Variants in CDK19 observed in about 807,000 individuals in gnomAD.
CDK19 encodes cyclin-dependent kinase 19.
Under a neutral mutation model 68.3 loss-of-function variants are expected in CDK19, and 20 were observed. That is an observed-to-expected ratio of 0.29 (90% CI 0.21 to 0.43). CDK19 has a LOEUF of 0.43. Ranked by LOEUF, CDK19 falls within the 20% of genes least tolerant of loss-of-function variation. The pLI, the probability that CDK19 is intolerant of heterozygous loss-of-function variation, is 1.00. For synonymous variants in CDK19, 221 were observed against 222.8 expected, an observed-to-expected ratio of 0.99 and a Z score of 0.07; for missense variants, 339 against 623.5, an observed-to-expected ratio of 0.54 and a Z score of 4.86.
At chr6:110,683,120 G>C (rs1462327974) in intron 2 of CDK19, among the ~76,000 whole-genome samples, 5 of 142,492 alleles carry the variant, frequency 3.5e-5, no homozygotes, top group African/African-American at 1.3e-4. Flanking sequence ...AGGTTGCAGT[G>C]AGTCAAGATG....
At chr6:110,688,465 T>C (rs1400997410) in intron 2 of CDK19, among the ~76,000 whole-genome samples, 3 of 152,188 alleles carry the variant, frequency 2.0e-5, no homozygotes, top group Admixed American at 2.0e-4. Context: ...GGAACTTTTT[T>C]CCAAGAAGCA....
At chr6:110,746,224 C>T in intron 1 of CDK19, 23 bp from the exon 2 acceptor site, 1 of 1,403,580 alleles carries the variant, frequency 7.1e-7, no homozygotes, top group Non-Finnish European at 9.9e-7. Flanking sequence ...AAAAAAACAT[C>T]ATTTTTCCAT....
intron 1 of CDK19, among the ~76,000 whole-genome samples, chr6:110,798,060 A>G (rs970221731): frequency 2.6e-5 from 4 of 152,116 alleles, no homozygotes; most frequent in East Asian, 1.9e-4. Context: ...ATTCAGTTAT[A>G]GAAATTAATA....
At position 110,751,176 on chromosome 6, in the gene CDK19, CTTGGCCCACAGATCCCTACCAGT is replaced by C. The variant is rs1778450106; in HGVS notation, c.129-4998_129-4976del. ...ATCCCTTAGAACAGGGTCCTCAACACTTGGCCCACAGATCCCTACCAGTTGGTGGCCTGTTAGGAACAGGGCTG... is the reference window on the plus strand; with the variant it reads ...ATCCCTTAGAACAGGGTCCTCAACACTGGTGGCCTGTTAGGAACAGGGCTG... On this transcript the variant is annotated intron_variant, in intron 1 of 12. Transcript: ENST00000368911. Among the ~76,000 whole-genome samples, 3 of 152,312 alleles carry C rather than the reference CTTGGCCCACAGATCCCTACCAGT, an allele frequency of 2.0e-5. No individual in the cohort carries two copies. The South Asian group carries it at 6.2e-4, about 32-fold the overall frequency.
At chr6:110,810,852 A>T (rs1230720372) in intron 1 of CDK19, among the ~76,000 whole-genome samples, 1 of 151,892 alleles carries the variant, frequency 6.6e-6, no homozygotes, top group Admixed American at 6.6e-5. Flanking sequence ...CCACTTTGTA[A>T]ATGTCCTGTA....
chr6:110,673,733 A>T (rs557654260), intron 2 of CDK19, among the ~76,000 whole-genome samples: 1 of 152,152 alleles, frequency 6.6e-6, no homozygotes, highest in Non-Finnish European at 1.5e-5. Flanking sequence ...AAATTTTTTT[A>T]AAGAAAAAAA....
chr6:110,711,487 T>C (rs1219876518), intron 2 of CDK19, among the ~76,000 whole-genome samples: 2 of 152,168 alleles, frequency 1.3e-5, no homozygotes, highest in African/African-American at 4.8e-5. Context: ...TAAACAAATT[T>C]ACGTATCAAT....
intron 1 of CDK19, among the ~76,000 whole-genome samples, chr6:110,783,994 TACTA>T (rs1333008713): frequency 1.3e-5 from 2 of 151,588 alleles, no homozygotes; most frequent in African/African-American, 2.4e-5. Flanking sequence ...ACCCCATCTC[TACTA>T]AAAATACAAA....
In CDK19 at chr6:110,667,526, G is replaced by A; in HGVS notation, c.364C>T (p.Gln122Ter). ...GATTTAACCATAGATCTTGGCAACTGCATGGGCTTTTTATTTGCTTTTGAT... is the reference window on the plus strand; with the variant it reads ...GATTTAACCATAGATCTTGGCAACTACATGGGCTTTTTATTTGCTTTTGAT... ...RASKANKKPM[Q>*]LPRSMVKSLL... Residue 122 changes from glutamine to a stop codon, truncating the protein, a stop_gained, in exon 4 of 13, where the codon CAG becomes TAG. Transcript: ENST00000368911. LOFTEE classifies it high-confidence loss of function. 1 of 1,586,296 alleles carries A rather than the reference G, an allele frequency of 6.3e-7. No individual in the cohort carries two copies. The highest frequency in any genetic ancestry group is 8.6e-7 in the Non-Finnish European group (1 of 1,162,256).
Position 110,614,356 on chromosome 6 carries a change from C to CT in CDK19, c.*178dup. 1 of 479,600 alleles carries CT rather than the reference C, an allele frequency of 2.1e-6. No homozygotes were observed. The highest frequency in any genetic ancestry group is 3.4e-5 in the Admixed American group (1 of 29,836). 29.7% of individuals were successfully genotyped at this position (479,600 alleles called of 1,614,324 possible). Reference sequence around the variant, plus strand: ...GCTGGGGAAACTTCACAAGAATCTTCTTTAAGTCAATAAAGAAGAGCTATC... The same window carrying CT: ...GCTGGGGAAACTTCACAAGAATCTTCTTTTAAGTCAATAAAGAAGAGCTATC... On this transcript the variant is annotated 3_prime_UTR_variant, in exon 13 of 13. Transcript: ENST00000368911.
At chr6:110,706,684 A>G (rs1774531200) in intron 2 of CDK19, 1 of 152,330 alleles carries the variant, frequency 6.6e-6, no homozygotes, top group African/African-American at 2.4e-5. Context: ...AAGTGCTGGG[A>G]TTACAAGCGT....
chr6:110,792,113 G>GGT (rs1781638265), intron 1 of CDK19, among the ~76,000 whole-genome samples: 3 of 151,420 alleles, frequency 2.0e-5, no homozygotes. Context: ...TGGGACTATA[G>GGT]GCACGTGCCA....
In CDK19 at chr6:110,613,295, C is replaced by T; in HGVS notation, c.*1240G>A. ...CAATTATTAAGTTTTCTCCTAGGGGCAAAAGAAATCATTCAGTGCAATGAA... is the reference window on the plus strand; with the variant it reads ...CAATTATTAAGTTTTCTCCTAGGGGTAAAAGAAATCATTCAGTGCAATGAA... On this transcript the variant is annotated 3_prime_UTR_variant, in exon 13 of 13. Coordinates refer to ENST00000368911, the MANE Select transcript of CDK19 (RefSeq NM_015076.5). 1 of 152,590 alleles carries T rather than the reference C, an allele frequency of 6.6e-6. No individual in the cohort carries two copies. The highest frequency in any genetic ancestry group is 3.4e-3 in the Middle Eastern group (1 of 294). 9.5% of individuals were successfully genotyped at this position (152,590 alleles called of 1,614,324 possible).
At chr6:110,687,591 T>C (rs969824525) in intron 2 of CDK19, among the ~76,000 whole-genome samples, 7 of 152,222 alleles carry the variant, frequency 4.6e-5, no homozygotes, top group Non-Finnish European at 8.8e-5. Flanking sequence ...GTACGTGTTA[T>C]GAGAAAACAC....
intron 4 of CDK19, among the ~76,000 whole-genome samples, chr6:110,656,646 T>A (rs930857354): frequency 2.0e-5 from 3 of 152,240 alleles, no homozygotes; most frequent in African/African-American, 7.2e-5. Flanking sequence ...AACTTCAGTA[T>A]TCACAGTAAA....
At chr6:110,664,814 T>C (rs1408880483) in intron 4 of CDK19, among the ~76,000 whole-genome samples, 1 of 152,200 alleles carries the variant, frequency 6.6e-6, no homozygotes, top group Non-Finnish European at 1.5e-5. Flanking sequence ...AAGAGATTGG[T>C]TCCAAGTAGA....
intron 2 of CDK19, among the ~76,000 whole-genome samples, chr6:110,743,645 C>CA (rs988106238): frequency 2.3e-4 from 33 of 143,962 alleles, no homozygotes; most frequent in Middle Eastern, 7.2e-3. Flanking sequence ...CTGTCTCCTA[C>CA]AAAAAAAAAA....
At chr6:110,791,322 G>T (rs1781581809) in intron 1 of CDK19, among the ~76,000 whole-genome samples, 1 of 151,844 alleles carries the variant, frequency 6.6e-6, no homozygotes, top group South Asian at 2.1e-4. Flanking sequence ...GAGGAAAGAA[G>T]GTCAGAAAGC....
At chr6:110,630,610 C>T (rs1027294949) in intron 6 of CDK19, among the ~76,000 whole-genome samples, 3 of 152,206 alleles carry the variant, frequency 2.0e-5, no homozygotes, top group African/African-American at 4.8e-5. Flanking sequence ...CTTCCACTTG[C>T]TGTCTGTAGT....
Sources: allele counts gnomAD v4.1 joint callset (sites outside exome capture counted in the v4.1 genomes callset), GRCh38; gene constraint gnomAD v4.1.1; transcripts MANE v1.5; gene names NCBI Gene and HGNC (gene_info 2026-07-23, HGNC 2026-07-21).